The following EYA3 variants were observed in gnomAD, a reference collection of about 807,000 sequenced individuals.
EYA3 encodes the protein protein phosphatase EYA3.
A neutral mutation model predicts 80.0 loss-of-function variants in EYA3; 39 were observed. The observed-to-expected ratio is 0.49, with a 90% CI of 0.38 to 0.64. The LOEUF (loss-of-function observed/expected upper bound fraction) is 0.64, where lower values mean the gene tolerates loss of function less well. EYA3 is among the 30% of genes least tolerant of loss of function. The probability of loss-of-function intolerance (pLI) is 0.00; values close to 1 mark genes in which losing one functional copy is unlikely to be tolerated. For missense variants in EYA3, 523 were observed against 676.1 expected (o/e 0.77, Z 2.51); for synonymous variants, 206 against 232.8 (o/e 0.88, Z 1.05).
At chr1:28,059,624 T>C (rs1644547891) in intron 1 of EYA3, among the ~76,000 whole-genome samples, 1 of 152,160 alleles carries the variant, frequency 6.6e-6, no homozygotes, top group Admixed American at 6.5e-5. Context: ...AAATGTACAT[T>C]ATGTACATAT....
At chr1:28,058,200 G>A (rs902178474) in intron 1 of EYA3, 106 bp from the exon 2 acceptor site, 9 of 442,468 alleles carry the variant, frequency 2.0e-5, no homozygotes, top group African/African-American at 4.0e-5. Context: ...AGCTTTCTAC[G>A]TGAGTTCCAA....
chr1:27,974,602 A>G (rs1018785483), intron 17 of EYA3, 56 bp from the exon 18 acceptor site: 35 of 1,461,324 alleles, frequency 2.4e-5, no homozygotes, highest in Non-Finnish European at 3.2e-5. Flanking sequence ...GCTTATATAA[A>G]TATTTGCCCA....
chr1:28,068,950 G>A (rs1338764810), intron 1 of EYA3, among the ~76,000 whole-genome samples: 1 of 151,822 alleles, frequency 6.6e-6, no homozygotes, highest in Non-Finnish European at 1.5e-5. Context: ...GGGACTACAG[G>A]TGTCCACCAC....
chr1:28,069,770 G>A (rs1232079556), intron 1 of EYA3, among the ~76,000 whole-genome samples: 3 of 152,162 alleles, frequency 2.0e-5, no homozygotes, highest in Non-Finnish European at 4.4e-5. Context: ...TCCTGTGAAT[G>A]TTCACTTATT....
In EYA3 at chr1:28,044,750, G is replaced by T. The variant is rs563168678; in HGVS notation, c.78-2100C>A. ...GTATAATAAGGGTTTTTTTTAAATG[G>T]TATATATTTTTTGTTTGGTTGGTTT... On this transcript the variant is annotated intron_variant, in intron 3 of 17. Transcript: ENST00000373871. Among the ~76,000 whole-genome samples the T allele has an allele frequency of 2.6e-5, 4 of 151,796 alleles. No individual in the cohort carries two copies. In the East Asian group the frequency reaches 5.8e-4, roughly 22 times the overall value.
chr1:28,075,362 G>A (rs963089167), intron 1 of EYA3, among the ~76,000 whole-genome samples: 2 of 152,188 alleles, frequency 1.3e-5, no homozygotes, highest in Non-Finnish European at 1.5e-5. Flanking sequence ...CACTCAAGTT[G>A]TTCAACAACT....
intron 1 of EYA3, among the ~76,000 whole-genome samples, chr1:28,072,567 C>A (rs780879289): frequency 1.3e-5 from 2 of 152,098 alleles, no homozygotes; most frequent in Non-Finnish European, 2.9e-5. Context: ...GGATGTGGAA[C>A]AACAAGAACT....
chr1:28,048,684 T>C (rs1164726917), intron 2 of EYA3, among the ~76,000 whole-genome samples: 1 of 152,202 alleles, frequency 6.6e-6, no homozygotes, highest in Non-Finnish European at 1.5e-5. Flanking sequence ...GTAGACAGAA[T>C]GTTTACTAGG....
At chr1:28,031,668 C>T (rs1174799201) in intron 6 of EYA3, among the ~76,000 whole-genome samples, 1 of 152,190 alleles carries the variant, frequency 6.6e-6, no homozygotes, top group African/African-American at 2.4e-5. Context: ...AACTGAAGTA[C>T]ACACCAATGC....
chr1:28,077,761 G>A (rs776153264), intron 1 of EYA3, among the ~76,000 whole-genome samples: 32 of 152,336 alleles, frequency 2.1e-4, no homozygotes, highest in Non-Finnish European at 4.3e-4. Flanking sequence ...AATCTGTGCA[G>A]TTAAAATTTC....
chr1:28,057,724 C>T (rs1015680521), intron 2 of EYA3, among the ~76,000 whole-genome samples: 5 of 152,020 alleles, frequency 3.3e-5, no homozygotes, highest in African/African-American at 7.2e-5. Context: ...AGTAAAGAGA[C>T]GTCCTCTTTT....
chr1:28,055,522 G>A (rs1199211276), intron 2 of EYA3, among the ~76,000 whole-genome samples: 2 of 145,378 alleles, frequency 1.4e-5, no homozygotes, highest in Non-Finnish European at 3.0e-5. Flanking sequence ...CCAGGCTGGA[G>A]TGCACTGGCA....
intron 11 of EYA3, among the ~76,000 whole-genome samples, 154 bp downstream of exon 11, chr1:28,004,182 T>C (rs1641101341): frequency 6.6e-6 from 1 of 152,218 alleles, no homozygotes; most frequent in Admixed American, 6.5e-5. Flanking sequence ...GCCTGCCTAA[T>C]ACAAGCCATT....
At chr1:28,061,357 G>C (rs181883608) in intron 1 of EYA3, among the ~76,000 whole-genome samples, 2 of 152,234 alleles carry the variant, frequency 1.3e-5, no homozygotes, top group African/African-American at 4.8e-5. Flanking sequence ...ATATAAGAAT[G>C]CAAGTATTCA....
chr1:28,072,691 T>C (rs1645057642), intron 1 of EYA3, among the ~76,000 whole-genome samples: 1 of 152,162 alleles, frequency 6.6e-6, no homozygotes, highest in Non-Finnish European at 1.5e-5. Context: ...AAGGTAAACA[T>C]ACACTTACTA....
At chr1:28,006,672 C>T (rs1641301405) in intron 10 of EYA3, among the ~76,000 whole-genome samples, 1 of 152,008 alleles carries the variant, frequency 6.6e-6, no homozygotes, top group East Asian at 1.9e-4. Flanking sequence ...TGCCACTGCA[C>T]TCCAGACTGG....
rs778249243 is a variant in EYA3, at chr1:27,991,134, C to T, written c.1304-1323G>A. On this transcript the variant is annotated intron_variant, in intron 14 of 17. Coordinates refer to ENST00000373871, the MANE Select transcript of EYA3 (RefSeq NM_001990.4). ...CTGCTTAGAACATGACATCAAGAAC[C>T]AAAGTGCGAAAAATTAGTGTTACAG... Among the ~76,000 whole-genome samples, 108 of 152,176 alleles carry T rather than the reference C, an allele frequency of 7.1e-4. 1 individual carries two copies. The highest frequency in any genetic ancestry group is 8.5e-4 in the Admixed American group (13 of 15,270).
chr1:28,034,551 A>G (rs1643340113), intron 6 of EYA3, among the ~76,000 whole-genome samples: 1 of 152,202 alleles, frequency 6.6e-6, no homozygotes, highest in African/African-American at 2.4e-5. Context: ...TGAAGTTATC[A>G]ACCCCACTAT....
chr1:28,044,604 A>G (rs909575553), intron 3 of EYA3, among the ~76,000 whole-genome samples: 1 of 152,202 alleles, frequency 6.6e-6, no homozygotes, highest in African/African-American at 2.4e-5. Flanking sequence ...TGACTAATCA[A>G]AGGTAAGAGT....
Sources: allele counts gnomAD v4.1 joint callset (sites outside exome capture counted in the v4.1 genomes callset), GRCh38; gene constraint gnomAD v4.1.1; transcripts MANE v1.5; gene names NCBI Gene and HGNC (gene_info 2026-07-23, HGNC 2026-07-21).